The following IP6K3 variants were observed in gnomAD, a reference collection of about 807,000 sequenced individuals.
IP6K3 encodes the protein ATP:1D-myo-inositol-hexakisphosphate phosphotransferase.
IP6K3 carries 20 observed loss-of-function variants against 28.8 expected under a neutral mutation model. The ratio of observed to expected loss-of-function variants is 0.70; its 90% CI spans 0.49 to 1.01. IP6K3 has a LOEUF of 1.01. Among genes scored for constraint, IP6K3 ranks in the 50% least tolerant of loss-of-function variants. The pLI is 0.00. For missense variants in IP6K3, 480 were observed against 537.1 expected, an observed-to-expected ratio of 0.89 and a Z score of 1.05; for synonymous variants, 213 against 221.3, an observed-to-expected ratio of 0.96 and a Z score of 0.33.
chr6:33,756,083 C>T, the IP6K3 span, among the ~76,000 whole-genome samples: 9 of 152,130 alleles, frequency 5.9e-5, no homozygotes, highest in East Asian at 5.8e-4. Context: ...AGGCTGGTCT[C>T]GAACTCCTGA....
chr6:33,751,627 A>G (rs571147487), upstream of IP6K3, among the ~76,000 whole-genome samples: 144 of 152,006 alleles, frequency 9.5e-4, 1 homozygote, highest in South Asian at 9.2e-3. The surrounding 1 kb of genome is among the most constrained non-coding windows in gnomAD (Gnocchi z 4.3). Context: ...TGAGCTCTTC[A>G]CACACTTTAT....
At chr6:33,751,483 C>CGTGT (rs762389623), upstream of IP6K3, among the ~76,000 whole-genome samples, 1,296 of 61,574 alleles carry the variant, frequency 0.021, 9 homozygotes, top group Admixed American at 0.035. The surrounding 1 kb of genome is among the most constrained non-coding windows in gnomAD (Gnocchi z 4.3). Flanking sequence ...CTCTGCAGGC[C>CGTGT]GTGTGTGTGT....
intron 5 of IP6K3, among the ~76,000 whole-genome samples, chr6:33,725,228 CAA>C (rs10570024): frequency 0.048 from 5,637 of 116,642 alleles, 115 homozygotes; most frequent in Middle Eastern, 0.058. Flanking sequence ...GACTCCGTCT[CAA>C]AAAAAAAAAA....
intron 2 of IP6K3, among the ~76,000 whole-genome samples, chr6:33,729,330 A>G (rs1176963597): frequency 6.6e-6 from 1 of 152,172 alleles, no homozygotes; most frequent in Admixed American, 6.5e-5. Flanking sequence ...GGAGGTGAGA[A>G]TACATGTCCT....
the IP6K3 span, among the ~76,000 whole-genome samples, chr6:33,754,484 T>C: frequency 1.3e-5 from 2 of 152,200 alleles, no homozygotes; most frequent in African/African-American, 4.8e-5. Flanking sequence ...GATCATTTAA[T>C]TGTGGCAGAA....
chr6:33,751,258 G>A (rs111491308), upstream of IP6K3, among the ~76,000 whole-genome samples: 1 of 152,202 alleles, frequency 6.6e-6, no homozygotes, highest in East Asian at 1.9e-4. This position sits in a 1 kb window ranked among gnomAD's most constrained non-coding sequence, Gnocchi z 4.3. Context: ...AGTTCAGGTC[G>A]TTGCATCAGA....
intron 1 of IP6K3, among the ~76,000 whole-genome samples, chr6:33,740,241 G>T (rs1007496213): frequency 1.3e-5 from 2 of 152,194 alleles, no homozygotes; most frequent in Non-Finnish European, 2.9e-5. Context: ...GATGCCTCTA[G>T]CCAGAAGAGC....
Position 33,725,492 on chromosome 6 carries a change from CT to C in IP6K3, c.713del (p.Lys238SerfsTer130). 6.2e-7 allele frequency: 1 copy of C among 1,613,854 alleles called. No individual in the cohort carries two copies. Among genetic ancestry groups the C allele is most frequent in the Non-Finnish European group, 8.5e-7 (1 of 1,180,042 alleles). ...SEEKKARHMR[K>X]CAQSTSACLG... ...GGCAGGCTGAGGTGCTCTGCGCACACTTCCTCATGTGGCGGGCCTTCTTCTC... is the reference window on the plus strand; with the variant it reads ...GGCAGGCTGAGGTGCTCTGCGCACACTCCTCATGTGGCGGGCCTTCTTCTC... On this transcript the variant is annotated frameshift_variant, in exon 5 of 6. Coordinates refer to ENST00000293756, the MANE Select transcript of IP6K3 (RefSeq NM_054111.5). LOFTEE classifies it high-confidence loss of function.
intron 4 of IP6K3, among the ~76,000 whole-genome samples, chr6:33,725,818 T>C (rs1766090553): frequency 6.6e-6 from 1 of 152,154 alleles, no homozygotes. Flanking sequence ...AATAAGTCCA[T>C]TTATTTAGGG....
At chr6:33,754,470 G>A in the IP6K3 span, among the ~76,000 whole-genome samples, 1,509 of 152,274 alleles carry the variant, frequency 9.9e-3, 22 homozygotes, top group African/African-American at 0.029. Context: ...GAGCAAATGC[G>A]GGCGATCATT....
intron 1 of IP6K3, among the ~76,000 whole-genome samples, chr6:33,737,654 T>C (rs1210422978): frequency 6.6e-6 from 1 of 152,228 alleles, no homozygotes; most frequent in Non-Finnish European, 1.5e-5. Flanking sequence ...TCTTCCACAT[T>C]GGCTACTGCC....
intron 1 of IP6K3, among the ~76,000 whole-genome samples, chr6:33,737,594 T>C (rs979270488): frequency 1.3e-5 from 2 of 152,190 alleles, no homozygotes; most frequent in Non-Finnish European, 2.9e-5. Flanking sequence ...TCCAGCTCAC[T>C]CGGGCATTGA....
At chr6:33,727,378 C>T (rs539571974) in intron 3 of IP6K3, among the ~76,000 whole-genome samples, 176 of 152,290 alleles carry the variant, frequency 1.2e-3, no homozygotes, top group Non-Finnish European at 1.2e-3. Context: ...CCCTCTTCTC[C>T]TGCCCTCTTG....
chr6:33,730,792 G>A (rs527434869), intron 2 of IP6K3, among the ~76,000 whole-genome samples: 4 of 152,224 alleles, frequency 2.6e-5, no homozygotes, highest in African/African-American at 7.2e-5. Context: ...CATGCCAGAC[G>A]TGGGGATGGA....
chr6:33,757,017 C>T, the IP6K3 span, among the ~76,000 whole-genome samples: 42,501 of 152,216 alleles, frequency 0.28, 7,089 homozygotes, highest in East Asian at 0.72. Context: ...CACTGCTGCT[C>T]GCCTGCTGCA....
In IP6K3 at chr6:33,727,718, C is replaced by T. The variant is rs183808033; in HGVS notation, c.413+369G>A. ...GGTGATTTCTGAGAGCAATTAGCCA[C>T]ACTTTTCCTCTACATACACTATTCT... is the stretch of plus-strand genomic sequence containing the variant. On this transcript the variant is annotated intron_variant, in intron 3 of 5. Coordinates refer to ENST00000293756, the MANE Select transcript of IP6K3 (RefSeq NM_054111.5). The T allele has an allele frequency of 1.8e-4, 112 of 607,086 alleles. 1 individual carries two copies. The African/African-American group carries it at 2.1e-3, about 12-fold the overall frequency. The allele number at this position is 607,086 out of a possible 1,614,324, so 37.6% of individuals were successfully genotyped here.
chr6:33,757,204 C>T, the IP6K3 span, among the ~76,000 whole-genome samples: 1 of 152,200 alleles, frequency 6.6e-6, no homozygotes, highest in Non-Finnish European at 1.5e-5. Context: ...CCCTCACCTC[C>T]CCACCTGCTC....
chr6:33,741,627 C>T (rs1766723317), intron 1 of IP6K3, among the ~76,000 whole-genome samples: 1 of 107,772 alleles, frequency 9.3e-6, no homozygotes, highest in South Asian at 3.2e-4. Context: ...GCTTGGGCAA[C>T]AGAGCGAGAC....
the IP6K3 span, among the ~76,000 whole-genome samples, chr6:33,760,217 C>T: frequency 6.6e-6 from 1 of 152,222 alleles, no homozygotes; most frequent in Non-Finnish European, 1.5e-5. Context: ...TGGGATGTAG[C>T]TCATGGTAGC....
Sources: allele counts gnomAD v4.1 joint callset (sites outside exome capture counted in the v4.1 genomes callset), GRCh38; gene constraint gnomAD v4.1.1; non-coding constraint Gnocchi (gnomAD v3.1); transcripts MANE v1.5; gene names NCBI Gene and HGNC (gene_info 2026-07-23, HGNC 2026-07-21).